The following SLC16A9 variants were observed in gnomAD, a reference collection of about 807,000 sequenced individuals.
The protein encoded by SLC16A9 is monocarboxylate transporter 9.
SLC16A9 carries 26 observed loss-of-function variants against 44.3 expected under a neutral mutation model. That is an observed-to-expected ratio of 0.59 (90% CI 0.43 to 0.81). The LOEUF is 0.81. SLC16A9 is among the 40% of genes least tolerant of loss of function. The pLI is 0.00. For synonymous variants in SLC16A9, 230 were observed against 225.1 expected, an observed-to-expected ratio of 1.02 and a Z score of -0.19; for missense variants, 559 against 595.8, an observed-to-expected ratio of 0.94 and a Z score of 0.64.
intron 1 of SLC16A9, among the ~76,000 whole-genome samples, chr10:59,689,754 T>C (rs1171652): frequency 0.27 from 41,687 of 152,132 alleles, 6,461 homozygotes; most frequent in East Asian, 0.62. Flanking sequence ...TAATTTCAAG[T>C]TGATTATTTT....
chr10:59,653,601 A>T, intron 5 of SLC16A9, 74 bp downstream of exon 5: 1 of 1,294,008 alleles, frequency 7.7e-7, no homozygotes, highest in African/African-American at 1.5e-5. Flanking sequence ...TACTATTACA[A>T]TCTGGACCTC....
intron 4 of SLC16A9, among the ~76,000 whole-genome samples, chr10:59,661,573 A>C (rs184197480): frequency 4.2e-4 from 64 of 152,298 alleles, no homozygotes; most frequent in African/African-American, 1.4e-3. Flanking sequence ...CCATACTGCC[A>C]AAGGTAATTT....
intron 1 of SLC16A9, among the ~76,000 whole-genome samples, chr10:59,694,455 T>TA (rs1376361079): frequency 1.3e-5 from 2 of 152,030 alleles, no homozygotes; most frequent in African/African-American, 4.8e-5. Context: ...GATTAATATA[T>TA]ATAGAAAATA....
At chr10:59,705,896 T>C (rs866050748) in intron 1 of SLC16A9, among the ~76,000 whole-genome samples, 30 of 152,326 alleles carry the variant, frequency 2.0e-4, no homozygotes, top group African/African-American at 6.3e-4. Context: ...TAGCATGACA[T>C]GTCATAGTCT....
chr10:59,697,786 T>A lies in SLC16A9; in HGVS notation c.-37+11693A>T, dbSNP rs77543160. Among the ~76,000 whole-genome samples the A allele has an allele frequency of 9.0e-3, 1,344 of 148,782 alleles. 10 individuals are homozygous for A. Among genetic ancestry groups the A allele is most frequent in the Non-Finnish European group, 0.015 (981 of 66,888 alleles). On this transcript the variant is annotated intron_variant, in intron 1 of 5. Transcript: ENST00000395348. ...ATAAATAATTAAAAAAATAAAAAAA[T>A]AAAAAAAAGATCAGAGGCTTCTTAA...
rs150602133 is a variant in SLC16A9 at position 59,683,491 on chromosome 10, A to G, written c.196+605T>C. 3.3e-3 allele frequency among the ~76,000 whole-genome samples: 506 copies of G among 152,340 alleles called. 1 individual carries two copies. The highest frequency in any genetic ancestry group is 0.012 in the African/African-American group (484 of 41,562). On this transcript the variant is annotated intron_variant, in intron 2 of 5. Transcript: ENST00000395348. ...GTCTTATACATAACACTATATTAAA[A>G]TCCTTAATGAGGATTTTAATTTTGT...
intron 3 of SLC16A9, among the ~76,000 whole-genome samples, chr10:59,671,244 C>A (rs566403011): frequency 6.6e-6 from 1 of 152,262 alleles, no homozygotes; most frequent in East Asian, 1.9e-4. Context: ...ATCCTCAGAC[C>A]TGAGCCTGTT....
At chr10:59,709,886 G>T (rs1840728966), upstream of SLC16A9, 1 of 153,090 alleles carries the variant, frequency 6.5e-6, no homozygotes, top group African/African-American at 2.4e-5. Context: ...TTGGGGGAAG[G>T]AGGAGGAGGA....
At chr10:59,665,169 G>T (rs1839580935) in intron 3 of SLC16A9, among the ~76,000 whole-genome samples, 2 of 152,116 alleles carry the variant, frequency 1.3e-5, no homozygotes, top group Non-Finnish European at 2.9e-5. Context: ...TTAAGAATCT[G>T]ACAACCCCAG....
At chr10:59,686,039 G>A (rs560155758) in intron 1 of SLC16A9, among the ~76,000 whole-genome samples, 37 of 150,350 alleles carry the variant, frequency 2.5e-4, no homozygotes, top group African/African-American at 7.4e-4. Context: ...GTGCAGTGGC[G>A]CAATCTCGGC....
chr10:59,673,451 C>T (rs1214911590), intron 2 of SLC16A9, among the ~76,000 whole-genome samples: 2 of 152,236 alleles, frequency 1.3e-5, no homozygotes, highest in Admixed American at 6.5e-5. Flanking sequence ...AAGTACAGAA[C>T]TTAATGTACT....
intron 4 of SLC16A9, among the ~76,000 whole-genome samples, chr10:59,658,579 T>C (rs1839400941): frequency 6.6e-6 from 1 of 152,132 alleles, no homozygotes; most frequent in Non-Finnish European, 1.5e-5. Flanking sequence ...CTACAGCAAA[T>C]ATAGTACAGG....
At position 59,654,171 on chromosome 10, in the gene SLC16A9, C is replaced by T. The variant is rs35511253; in HGVS notation, c.855G>A (p.Arg285=). 9,510 of 1,614,034 alleles carry T rather than the reference C, an allele frequency of 5.9e-3. 408 individuals carry two copies. In the African/African-American group the frequency reaches 0.1, roughly 18 times the overall value. The change falls in exon 5 of 6, where the codon AGG becomes AGA. Residue 285 remains arginine (R), a synonymous_variant. Transcript: ENST00000395348. Reference sequence around the variant, plus strand: ...AGTAGTTTTTATATAACTGCCACTTCCTCTTGGCAAGCTGTTTGCAAAAAT... The same window carrying T: ...AGTAGTTTTTATATAACTGCCACTTTCTCTTGGCAAGCTGTTTGCAAAAAT... ...QTYFCKQLAK[R]KWQLYKNYCG...
At chr10:59,664,670 A>T (rs1434289305) in intron 3 of SLC16A9, among the ~76,000 whole-genome samples, 1 of 152,158 alleles carries the variant, frequency 6.6e-6, no homozygotes, top group Middle Eastern at 3.2e-3. Flanking sequence ...CCCCTTAGAG[A>T]TCTATGCCTC....
At chr10:59,680,264 A>T (rs1477183226) in intron 2 of SLC16A9, among the ~76,000 whole-genome samples, 1 of 152,222 alleles carries the variant, frequency 6.6e-6, no homozygotes, top group Non-Finnish European at 1.5e-5. Context: ...AGGAATTAAG[A>T]TTATAAAGAG....
chr10:59,650,833 T>C lies in SLC16A9; in HGVS notation c.*1939A>G, dbSNP rs1353814770. 2 of 152,188 alleles carry C rather than the reference T, an allele frequency of 1.3e-5. No homozygotes were observed. Among genetic ancestry groups the C allele is most frequent in the Non-Finnish European group, 2.9e-5 (2 of 68,032 alleles). The allele number at this position is 152,188 out of a possible 1,614,324, so 9.4% of individuals were successfully genotyped here. Reference sequence around the variant, plus strand: ...CCTAGACAACAGATAACGCCCACATTGGATGTTATTTAGCAGACATAGTGA... The same window carrying C: ...CCTAGACAACAGATAACGCCCACATCGGATGTTATTTAGCAGACATAGTGA... On this transcript the variant is annotated 3_prime_UTR_variant, in exon 6 of 6. Transcript: ENST00000395348.
intron 1 of SLC16A9, among the ~76,000 whole-genome samples, chr10:59,684,977 C>T (rs916602535): frequency 1.4e-4 from 22 of 152,184 alleles, no homozygotes; most frequent in African/African-American, 5.3e-4. Flanking sequence ...GCATTCTCAA[C>T]AGCTGGGGCA....
At chr10:59,675,356 G>A (rs1250626900) in intron 2 of SLC16A9, among the ~76,000 whole-genome samples, 5 of 152,174 alleles carry the variant, frequency 3.3e-5, no homozygotes, top group Admixed American at 2.6e-4. Context: ...CAAATTACTA[G>A]TAAAGAACAT....
chr10:59,696,055 A>G (rs1475054686), intron 1 of SLC16A9, among the ~76,000 whole-genome samples: 1 of 152,006 alleles, frequency 6.6e-6, no homozygotes, highest in Non-Finnish European at 1.5e-5. Flanking sequence ...TCTACAAAAG[A>G]TTTTTAAAGC....
Sources: gnomAD v4.1 joint callset for allele counts (sites outside exome capture counted in the v4.1 genomes callset) on GRCh38, gnomAD v4.1.1 for gene constraint, MANE v1.5 for transcripts, NCBI Gene and HGNC (gene_info 2026-07-23, HGNC 2026-07-21) for gene names.